The following TMTC2 variants were observed in gnomAD, a reference collection of about 807,000 sequenced individuals.
TMTC2 encodes transmembrane O-mannosyltransferase targeting cadherins 2.
A neutral mutation model predicts 82.4 loss-of-function variants in TMTC2; 43 were observed. The ratio of observed to expected loss-of-function variants is 0.52; its 90% CI spans 0.41 to 0.67. TMTC2 has a LOEUF of 0.67. Ranked by LOEUF, TMTC2 falls within the 30% of genes least tolerant of loss-of-function variation. The probability of loss-of-function intolerance (pLI) is 0.00; values close to 1 mark genes in which losing one functional copy is unlikely to be tolerated. For missense variants in TMTC2, 919 were observed against 1,012.4 expected (o/e 0.91, Z 1.25); for synonymous variants, 408 against 381.9 (o/e 1.07, Z -0.80).
At chr12:82,874,202 C>A (rs925030989) in intron 2 of TMTC2, among the ~76,000 whole-genome samples, 2 of 152,098 alleles carry the variant, frequency 1.3e-5, no homozygotes, top group African/African-American at 4.8e-5. Flanking sequence ...AAAAGTGTGG[C>A]CATATGGCAT....
At chr12:82,725,552 A>C (rs1443089067) in intron 1 of TMTC2, among the ~76,000 whole-genome samples, 1 of 152,206 alleles carries the variant, frequency 6.6e-6, no homozygotes, top group African/African-American at 2.4e-5. Flanking sequence ...ATTCTGTAAA[A>C]TATTTGGAGA....
intron 1 of TMTC2, among the ~76,000 whole-genome samples, chr12:82,847,124 C>G (rs1870728484): frequency 6.6e-6 from 1 of 152,116 alleles, no homozygotes; most frequent in South Asian, 2.1e-4. Context: ...CCCTATTAGC[C>G]AAGTATTTGC....
In TMTC2 at chr12:82,868,444, C is replaced by G. The variant is rs57407293; in HGVS notation, c.654+10864C>G. Among the ~76,000 whole-genome samples, 324 of 152,242 alleles carry G rather than the reference C, an allele frequency of 2.1e-3. 1 individual carries two copies. Among genetic ancestry groups the G allele is most frequent in the African/African-American group, 7.6e-3 (315 of 41,548 alleles). On this transcript the variant is annotated intron_variant, in intron 2 of 11. Coordinates refer to ENST00000321196, the MANE Select transcript of TMTC2 (RefSeq NM_152588.3). ...TCTTTTGTTTGATTGAGATTGATAA[C>G]AAGTACATATGCCAGTTTTCCTCCA...
chr12:83,010,917 C>T (rs570363669), intron 8 of TMTC2, among the ~76,000 whole-genome samples: 1 of 152,184 alleles, frequency 6.6e-6, no homozygotes, highest in Admixed American at 6.5e-5. Flanking sequence ...TCACTGCAAC[C>T]TCCACCTCCC....
intron 2 of TMTC2, among the ~76,000 whole-genome samples, chr12:82,888,456 G>A (rs1267867833): frequency 6.6e-6 from 1 of 152,220 alleles, no homozygotes; most frequent in East Asian, 1.9e-4. Flanking sequence ...GAAGACTTTT[G>A]ACTTTGTTTT....
chr12:82,749,303 G>GA (rs1875853724), intron 1 of TMTC2, among the ~76,000 whole-genome samples: 1 of 134,842 alleles, frequency 7.4e-6, no homozygotes, highest in South Asian at 2.7e-4. Flanking sequence ...TTTTAATTTA[G>GA]ACTGCTTCTA....
In TMTC2 at chr12:82,957,480, T is replaced by C. The variant is rs183323625; in HGVS notation, c.1599-7544T>C. Among the ~76,000 whole-genome samples the C allele has an allele frequency of 3.6e-3, 549 of 152,130 alleles. 7 individuals are homozygous for C. The highest frequency in any genetic ancestry group is 0.013 in the African/African-American group (535 of 41,516). On this transcript the variant is annotated intron_variant, in intron 4 of 11. Transcript: ENST00000321196. ...ACATCAAACCTAAACTAGAAAAACA[T>C]GAGCAAGCTAACTGCAAAGGCAGAA... is the stretch of plus-strand genomic sequence containing the variant.
chr12:82,876,097 ATGGTGGTGG>A (rs3068166), intron 2 of TMTC2, among the ~76,000 whole-genome samples: 1,432 of 113,254 alleles, frequency 0.013, 11 homozygotes, highest in Admixed American at 0.023. Context: ...AGTATTCATA[ATGGTGGTGG>A]TGGTGGTGGT....
At chr12:82,742,305 C>A (rs1875453555) in intron 1 of TMTC2, among the ~76,000 whole-genome samples, 1 of 151,620 alleles carries the variant, frequency 6.6e-6, no homozygotes, top group African/African-American at 2.4e-5. Context: ...ATGTCTTTAG[C>A]CTCGGAGCTA....
chr12:82,947,019 G>A (rs578117651), intron 4 of TMTC2, among the ~76,000 whole-genome samples: 2 of 152,166 alleles, frequency 1.3e-5, no homozygotes, highest in Non-Finnish European at 2.9e-5. Flanking sequence ...TGGGATTACA[G>A]ACGTGAGCCA....
At chr12:83,072,625 T>C (rs1285629651) in intron 11 of TMTC2, among the ~76,000 whole-genome samples, 1 of 152,144 alleles carries the variant, frequency 6.6e-6, no homozygotes, top group Non-Finnish European at 1.5e-5. Flanking sequence ...ACTATTACTA[T>C]GTTATTGTCT....
At chr12:82,915,613 A>C (rs370220052) in intron 3 of TMTC2, among the ~76,000 whole-genome samples, 3 of 152,206 alleles carry the variant, frequency 2.0e-5, no homozygotes, top group African/African-American at 7.2e-5. Flanking sequence ...GATAAAATTA[A>C]AAAGGGAATT....
intron 11 of TMTC2, among the ~76,000 whole-genome samples, chr12:83,124,530 A>G: frequency 6.6e-6 from 1 of 152,066 alleles, no homozygotes; most frequent in Non-Finnish European, 1.5e-5. Flanking sequence ...GGGAACATAA[A>G]GAAGTAAGCT....
chr12:82,788,994 G>C (rs1416416962), intron 1 of TMTC2, among the ~76,000 whole-genome samples: 2 of 152,040 alleles, frequency 1.3e-5, no homozygotes, highest in Admixed American at 6.6e-5. Context: ...GGAGGACTCT[G>C]CCTCAAAAAA....
At chr12:82,919,804 T>C (rs900739294) in intron 3 of TMTC2, among the ~76,000 whole-genome samples, 5 of 152,188 alleles carry the variant, frequency 3.3e-5, no homozygotes, top group Admixed American at 1.3e-4. Flanking sequence ...CTGAGCACAC[T>C]GATATAGGGG....
chr12:83,101,626 G>C (rs948408256), intron 11 of TMTC2, among the ~76,000 whole-genome samples: 1 of 152,162 alleles, frequency 6.6e-6, no homozygotes, highest in African/African-American at 2.4e-5. Context: ...TCATAGAGTG[G>C]AAAGGGAAAA....
At chr12:82,899,687 T>C (rs1873877874) in intron 3 of TMTC2, among the ~76,000 whole-genome samples, 1 of 143,656 alleles carries the variant, frequency 7.0e-6, no homozygotes, top group Admixed American at 7.3e-5. Flanking sequence ...GGAATATATA[T>C]ATATAAGAAA....
intron 11 of TMTC2, among the ~76,000 whole-genome samples, chr12:83,122,575 G>A (rs546625029): frequency 3.3e-5 from 5 of 152,206 alleles, no homozygotes; most frequent in African/African-American, 4.8e-5. Flanking sequence ...ATCTTCTCCC[G>A]TAATCAAGAT....
intron 1 of TMTC2, among the ~76,000 whole-genome samples, chr12:82,710,949 G>T (rs987398034): frequency 6.6e-6 from 1 of 152,166 alleles, no homozygotes; most frequent in African/African-American, 2.4e-5. Flanking sequence ...GAATCGTATA[G>T]CCTCTGGTCT....
Sources: allele counts gnomAD v4.1 joint callset (sites outside exome capture counted in the v4.1 genomes callset), GRCh38; gene constraint gnomAD v4.1.1; transcripts MANE v1.5; gene names NCBI Gene and HGNC (gene_info 2026-07-23, HGNC 2026-07-21).